The following ROR1 variants were observed in gnomAD, a reference collection of about 807,000 sequenced individuals.
ROR1 encodes the protein inactive tyrosine-protein kinase transmembrane receptor ROR1.
A neutral mutation model predicts 78.8 loss-of-function variants in ROR1; 19 were observed. That is an observed-to-expected ratio of 0.24 (90% CI 0.17 to 0.35). The LOEUF is 0.35. Ranked by LOEUF, ROR1 falls within the 10% of genes least tolerant of loss-of-function variation. The probability of loss-of-function intolerance (pLI) is 1.00; values close to 1 mark genes in which losing one functional copy is unlikely to be tolerated. For missense variants in ROR1, 917 were observed against 1,177.8 expected (o/e 0.78, Z 3.24); for synonymous variants, 386 against 433.6 (o/e 0.89, Z 1.36).
chr1:63,893,369 C>T (rs1484265164), intron 1 of ROR1, among the ~76,000 whole-genome samples: 1 of 152,054 alleles, frequency 6.6e-6, no homozygotes, highest in East Asian at 1.9e-4. Context: ...ATGAGAAAAC[C>T]TAGCTCCTGG....
At chr1:63,808,689 T>A (rs576924801) in intron 1 of ROR1, among the ~76,000 whole-genome samples, 1 of 152,300 alleles carries the variant, frequency 6.6e-6, no homozygotes, top group South Asian at 2.1e-4. Flanking sequence ...CATGTGGGTC[T>A]CTCTGGCTGC....
intron 1 of ROR1, among the ~76,000 whole-genome samples, chr1:63,940,091 G>A (rs1569944659): frequency 1.3e-5 from 2 of 152,138 alleles, no homozygotes; most frequent in East Asian, 3.9e-4. Context: ...TTCTGGCTCT[G>A]TAGTGACTCA....
rs71056017 is a variant in ROR1 at position 64,014,773 on chromosome 1, T to TATATATATATATATATATACACACAC, written c.163+5398_163+5399insTATATATATATATATATACACACACA. Among the ~76,000 whole-genome samples the TATATATATATATATATATACACACAC allele has an allele frequency of 6.4e-5, 3 of 47,010 alleles. 1 individual carries two copies. Among genetic ancestry groups the TATATATATATATATATATACACACAC allele is most frequent in the Non-Finnish European group, 1.4e-4 (3 of 21,606 alleles). The allele number at this position is 47,010 out of a possible 152,430, so 30.8% of individuals were successfully genotyped here. On this transcript the variant is annotated intron_variant, in intron 2 of 8. Coordinates refer to ENST00000371079, the MANE Select transcript of ROR1 (RefSeq NM_005012.4). Reference sequence around the variant, plus strand: ...ATATATATATATATATATATATATATACACATTTTGTCCTGGTTTGCCTTT... The same window carrying TATATATATATATATATATACACACAC: ...ATATATATATATATATATATATATATATATATATATATATATATACACACACACACATTTTGTCCTGGTTTGCCTTT...
chr1:63,856,914 G>T (rs1345914404), intron 1 of ROR1, among the ~76,000 whole-genome samples: 1 of 152,064 alleles, frequency 6.6e-6, no homozygotes, highest in Non-Finnish European at 1.5e-5. Context: ...TCATACCTGT[G>T]CTTACAGTAA....
chr1:64,041,111 T>A (rs1211435311), intron 2 of ROR1, among the ~76,000 whole-genome samples: 1 of 152,178 alleles, frequency 6.6e-6, no homozygotes, highest in African/African-American at 2.4e-5. Context: ...TGAGTTCCAG[T>A]CCAACCTGTG....
intron 2 of ROR1, among the ~76,000 whole-genome samples, chr1:64,030,877 A>G (rs1207334815): frequency 6.6e-6 from 1 of 151,932 alleles, no homozygotes; most frequent in Non-Finnish European, 1.5e-5. Context: ...GTGTGTGTGT[A>G]TGTATGTGTG....
intron 1 of ROR1, among the ~76,000 whole-genome samples, chr1:63,818,451 A>G (rs1644905092): frequency 6.6e-6 from 1 of 152,170 alleles, no homozygotes; most frequent in South Asian, 2.1e-4. Context: ...GTTTTATTCT[A>G]TTTACTTTAT....
At chr1:64,061,104 C>T (rs1244957409) in intron 4 of ROR1, among the ~76,000 whole-genome samples, 1 of 152,202 alleles carries the variant, frequency 6.6e-6, no homozygotes, top group Non-Finnish European at 1.5e-5. Flanking sequence ...GAATGTATCT[C>T]CCACTTAGCA....
At chr1:63,833,299 C>T (rs1401132042) in intron 1 of ROR1, among the ~76,000 whole-genome samples, 1 of 152,172 alleles carries the variant, frequency 6.6e-6, no homozygotes, top group Non-Finnish European at 1.5e-5. Context: ...AAATGGACTG[C>T]CTGAGTGGAA....
intron 1 of ROR1, among the ~76,000 whole-genome samples, chr1:63,868,490 T>C (rs1326960754): frequency 1.3e-5 from 2 of 152,220 alleles, no homozygotes; most frequent in East Asian, 1.9e-4. Flanking sequence ...CTACCACTTA[T>C]GAGCACATTT....
chr1:64,168,610 C>G (rs753393911), intron 8 of ROR1, among the ~76,000 whole-genome samples: 1 of 152,090 alleles, frequency 6.6e-6, no homozygotes, highest in African/African-American at 2.4e-5. Context: ...ATGATTGGCT[C>G]TAATTGAAAC....
chr1:64,022,876 G>A (rs939639176), intron 2 of ROR1, among the ~76,000 whole-genome samples: 1 of 152,168 alleles, frequency 6.6e-6, no homozygotes, highest in African/African-American at 2.4e-5. Context: ...CATGCTTTCT[G>A]TTGATGTTGA....
At chr1:63,784,665 C>T (rs370659660) in intron 1 of ROR1, among the ~76,000 whole-genome samples, 24 of 152,280 alleles carry the variant, frequency 1.6e-4, no homozygotes, top group African/African-American at 5.8e-4. Flanking sequence ...TACTGCTCTG[C>T]CAGGTCAGCA....
intron 2 of ROR1, among the ~76,000 whole-genome samples, chr1:64,013,006 C>G (rs1646489851): frequency 6.6e-6 from 1 of 152,100 alleles, no homozygotes; most frequent in Admixed American, 6.6e-5. Context: ...AATCTTGACT[C>G]CACTATGCGT....
intron 1 of ROR1, among the ~76,000 whole-genome samples, chr1:63,851,613 C>G (rs1398819026): frequency 6.6e-6 from 1 of 152,048 alleles, no homozygotes; most frequent in African/African-American, 2.4e-5. Context: ...GTGATTATTC[C>G]CCTCATTGCC....
chr1:63,985,381 C>A (rs1179760914), intron 1 of ROR1, among the ~76,000 whole-genome samples: 1 of 152,138 alleles, frequency 6.6e-6, no homozygotes, highest in Non-Finnish European at 1.5e-5. Context: ...CCTATCCTGC[C>A]AAATTTGAGT....
At chr1:64,098,140 G>A (rs1234381852) in intron 4 of ROR1, among the ~76,000 whole-genome samples, 2 of 152,184 alleles carry the variant, frequency 1.3e-5, no homozygotes, top group East Asian at 3.9e-4. Context: ...GAGACTCCAG[G>A]GCAGTGATGA....
chr1:64,137,337 A>C, intron 4 of ROR1, 32 bp from the exon 5 acceptor site: 2 of 1,612,908 alleles, frequency 1.2e-6, no homozygotes, highest in South Asian at 2.2e-5. Flanking sequence ...TATGTGGTGC[A>C]TCAGCTAATG....
At chr1:63,920,237 A>T (rs1481950180) in intron 1 of ROR1, among the ~76,000 whole-genome samples, 1 of 152,226 alleles carries the variant, frequency 6.6e-6, no homozygotes, top group Admixed American at 6.5e-5. Context: ...AAAAAAAATT[A>T]AACAACAAAA....
Sources: allele counts gnomAD v4.1 joint callset (sites outside exome capture counted in the v4.1 genomes callset), GRCh38; gene constraint gnomAD v4.1.1; transcripts MANE v1.5; gene names NCBI Gene and HGNC (gene_info 2026-07-23, HGNC 2026-07-21).